The following VWDE variants were observed in gnomAD, a reference collection of about 807,000 sequenced individuals.
VWDE encodes von Willebrand factor D and EGF domain-containing protein.
VWDE carries 207 observed loss-of-function variants against 178.4 expected under a neutral mutation model. That is an observed-to-expected ratio of 1.16 (90% CI 1.04 to 1.30). VWDE has a LOEUF of 1.30. VWDE is among the 50% of genes most tolerant of loss of function. The pLI is 0.00. For synonymous variants in VWDE, 738 were observed against 651.4 expected (o/e 1.13, Z -2.02); for missense variants, 2,287 against 1,901.3 (o/e 1.20, Z -3.77).
chr7:12,385,210 G>T (rs749930848), intron 3 of VWDE, among the ~76,000 whole-genome samples: 2 of 152,192 alleles, frequency 1.3e-5, no homozygotes, highest in South Asian at 4.1e-4. Context: ...ACGTCTTCAT[G>T]AGACTATGAT....
At chr7:12,337,718 T>G (rs763348082) in intron 24 of VWDE, among the ~76,000 whole-genome samples, 4 of 152,182 alleles carry the variant, frequency 2.6e-5, no homozygotes, top group African/African-American at 4.8e-5. Context: ...TTACTGAGGT[T>G]ATGAAGGCAC....
chr7:12,357,156 T>C (rs1782292259), intron 17 of VWDE, 109 bp downstream of exon 17: 3 of 1,345,018 alleles, frequency 2.2e-6, no homozygotes, highest in Admixed American at 5.4e-5. Context: ...CAATGTTTAA[T>C]AACTTTGTTG....
intron 27 of VWDE, among the ~76,000 whole-genome samples, chr7:12,334,426 C>T (rs1419849816): frequency 6.8e-6 from 1 of 146,072 alleles, no homozygotes; most frequent in Non-Finnish European, 1.5e-5. Context: ...AATAATTTGT[C>T]CTTTAAGATA....
rs1311767445 is a variant in VWDE at position 12,403,709 on chromosome 7, C to T, written c.8G>A (p.Gly3Asp). The T allele has an allele frequency of 6.5e-7, 1 of 1,549,866 alleles. No individual in the cohort carries two copies. Among genetic ancestry groups the T allele is most frequent in the Non-Finnish European group, 8.7e-7 (1 of 1,146,462 alleles). The change falls in exon 1 of 29, where the codon GGC becomes GAC. Residue 3 changes from glycine (G) to aspartate (D), a missense_variant. Physicochemically the swap from Gly to Asp is moderately conservative, Grantham distance 94. Coordinates refer to ENST00000275358, the MANE Select transcript of VWDE (RefSeq NM_001135924.3). ...CGCGATCACCAGCACGCAGGCTCCG[C>T]CAGGCATCGCTGCTTCCGCAGGTGG... is the stretch of plus-strand genomic sequence containing the variant. MPGGACVLVIALM... is the reference protein window; with the variant it reads MPDGACVLVIALM...
intron 27 of VWDE, among the ~76,000 whole-genome samples, chr7:12,334,279 AT>A (rs1780890540): frequency 6.6e-6 from 1 of 152,232 alleles, no homozygotes; most frequent in Admixed American, 6.5e-5. Context: ...ATTGCTTTAA[AT>A]TTTGTTTTTA....
intron 26 of VWDE, 52 bp from the exon 27 acceptor site, chr7:12,336,288 T>C (rs750128022): frequency 6.4e-5 from 92 of 1,441,806 alleles, no homozygotes; most frequent in Non-Finnish European, 8.5e-5. Flanking sequence ...AGTCAAATCC[T>C]ATCCATAACC....
intron 24 of VWDE, among the ~76,000 whole-genome samples, chr7:12,338,553 A>G (rs904826300): frequency 6.6e-6 from 1 of 152,162 alleles, no homozygotes; most frequent in Admixed American, 6.5e-5. Context: ...TAAATTATTT[A>G]TACAAAAAAG....
intron 23 of VWDE, among the ~76,000 whole-genome samples, chr7:12,340,967 A>C (rs369147119): frequency 3.3e-5 from 5 of 152,110 alleles, no homozygotes; most frequent in Admixed American, 2.0e-4. Flanking sequence ...AGACATCCCC[A>C]ATTTTATTTT....
In VWDE at chr7:12,377,824, G is replaced by C; in HGVS notation, c.976C>G (p.Leu326Val). ...VPIICSEFSE[L>V]DQECKISLKL... ...AATGAGATTTTGCATTCTTGATCAA[G>C]CTCACTAAATTCAGAACAAATAATA... is the stretch of plus-strand genomic sequence containing the variant. Residue 326 changes from leucine to valine, a missense_variant, in exon 7 of 29, where the codon CTT becomes GTT. Transcript: ENST00000275358. The C allele has an allele frequency of 6.5e-7, 1 of 1,529,748 alleles. No homozygotes were observed. Among genetic ancestry groups the C allele is most frequent in the Admixed American group, 2.0e-5 (1 of 48,820 alleles). The allele number at this position is 1,529,748 out of a possible 1,614,324, so 94.8% of individuals were successfully genotyped here.
Position 12,357,288 on chromosome 7 carries a change from C to A in VWDE, c.3502G>T (p.Ala1168Ser). 1 of 1,552,278 alleles carries A rather than the reference C, an allele frequency of 6.4e-7. No homozygotes were observed. The highest frequency in any genetic ancestry group is 1.4e-5 in the African/African-American group (1 of 73,162). Residue 1168 changes from alanine (A) to serine (S), a missense_variant, in exon 17 of 29, where the codon GCT becomes TCT. By Grantham distance (99) the Ala-to-Ser change is moderately conservative (BLOSUM62 1). Coordinates refer to ENST00000275358, the MANE Select transcript of VWDE (RefSeq NM_001135924.3). ...ACCTCAATCGTGACTCTAGTTTCAG[C>A]ATCGCAGTCATCATTAAGGCGTACA... ...ITVRLNDDCDAETRVTIEVTV... is the reference protein window; with the variant it reads ...ITVRLNDDCDSETRVTIEVTV...
At chr7:12,335,601 G>A (rs1467975229) in intron 27 of VWDE, among the ~76,000 whole-genome samples, 4 of 151,918 alleles carry the variant, frequency 2.6e-5, no homozygotes, top group African/African-American at 4.8e-5. Context: ...GACTACAGGC[G>A]CCTGCCACCA....
intron 18 of VWDE, chr7:12,354,544 C>G (rs1335613160): frequency 3.6e-6 from 1 of 279,918 alleles, no homozygotes; most frequent in African/African-American, 2.3e-5. Context: ...CATCGTATGT[C>G]CAATTGTCTT....
At position 12,389,367 on chromosome 7, in the gene VWDE, G is replaced by A. The variant is rs1784266564; in HGVS notation, c.244-9C>T. On this transcript the variant is annotated splice_polypyrimidine_tract_variant and intron_variant, in intron 2 of 28. Coordinates refer to ENST00000275358, the MANE Select transcript of VWDE (RefSeq NM_001135924.3). The stretch of plus-strand genomic sequence containing the variant: ...GTTCCACAATGGTTCATCTTTTGCA[G>A]GAGAGAAAACAAAAGTTGAAAATTC... The A allele has an allele frequency of 6.5e-7, 1 of 1,527,030 alleles. No homozygotes were observed. 94.6% of individuals were successfully genotyped at this position (1,527,030 alleles called of 1,614,324 possible).
chr7:12,332,993 G>C (rs994978351), intron 28 of VWDE, among the ~76,000 whole-genome samples: 1 of 152,288 alleles, frequency 6.6e-6, no homozygotes, highest in South Asian at 2.1e-4. Flanking sequence ...GAGAGAGAGA[G>C]AGATTATTAG....
intron 4 of VWDE, among the ~76,000 whole-genome samples, chr7:12,381,401 G>C (rs776512854): frequency 6.6e-5 from 10 of 151,876 alleles, no homozygotes; most frequent in Non-Finnish European, 1.0e-4. Flanking sequence ...TTAGAAAGAG[G>C]AAAAATATCT....
chr7:12,377,354 T>C (rs1783585351), intron 7 of VWDE, among the ~76,000 whole-genome samples: 1 of 152,166 alleles, frequency 6.6e-6, no homozygotes, highest in Non-Finnish European at 1.5e-5. Flanking sequence ...CTATATTTCA[T>C]AAGCTTGAAC....
At chr7:12,356,032 C>T in intron 18 of VWDE, 79 bp downstream of exon 18, 1 of 1,117,444 alleles carries the variant, frequency 8.9e-7, no homozygotes, top group Admixed American at 2.6e-5. Flanking sequence ...TTTAGGACCA[C>T]ACATTTGCTT....
At chr7:12,369,508 T>C (rs1442784845) in intron 12 of VWDE, 37 bp downstream of exon 12, 1 of 1,476,724 alleles carries the variant, frequency 6.8e-7, no homozygotes, top group African/African-American at 1.4e-5. Flanking sequence ...TAATGAAATA[T>C]CACATGCAAT....
intron 26 of VWDE, among the ~76,000 whole-genome samples, 195 bp from the exon 27 acceptor site, chr7:12,336,431 T>A (rs982109328): frequency 1.3e-5 from 2 of 152,240 alleles, no homozygotes; most frequent in Admixed American, 1.3e-4. Flanking sequence ...CCTTAACAGT[T>A]GCAAAATGTT....
Sources: allele counts gnomAD v4.1 joint callset (sites outside exome capture counted in the v4.1 genomes callset), GRCh38; gene constraint gnomAD v4.1.1; transcripts MANE v1.5; gene names NCBI Gene and HGNC (gene_info 2026-07-23, HGNC 2026-07-21).